The following C10orf67 variants were observed in gnomAD, a reference collection of about 807,000 sequenced individuals.
C10orf67 encodes uncharacterized protein C10orf67, mitochondrial.
Under a neutral mutation model 35.6 loss-of-function variants are expected in C10orf67, and 60 were observed. The observed-to-expected ratio is 1.68, with a 90% confidence interval of 1.37 to 2.09. The LOEUF (loss-of-function observed/expected upper bound fraction) is 2.09. C10orf67 is among the 30% of genes most tolerant of loss of function. The pLI is 0.00. For synonymous variants in C10orf67, 167 were observed against 115.8 expected, an observed-to-expected ratio of 1.44 and a Z score of -2.84; for missense variants, 474 against 330.2, an observed-to-expected ratio of 1.44 and a Z score of -3.38.
intron 15 of C10orf67, among the ~76,000 whole-genome samples, chr10:23,213,575 G>GT (rs1409394145): frequency 6.6e-6 from 1 of 152,030 alleles, no homozygotes; most frequent in Admixed American, 6.5e-5. Context: ...AAAGAGTGAG[G>GT]TAAAAATTAA....
intron 12 of C10orf67, among the ~76,000 whole-genome samples, chr10:23,248,943 A>C (rs1328249924): frequency 6.6e-6 from 1 of 151,694 alleles, no homozygotes; most frequent in African/African-American, 2.4e-5. Context: ...TAGAAGTAAA[A>C]CTTTAAACTC....
intron 15 of C10orf67, 73 bp downstream of exon 15, chr10:23,223,525 A>T: frequency 1.4e-6 from 1 of 708,308 alleles, no homozygotes; most frequent in Non-Finnish European, 2.6e-6. Context: ...AGGGTAAAAA[A>T]GAAAAGCAAA....
chr10:23,335,803 C>A (rs1845656377), intron 1 of C10orf67, among the ~76,000 whole-genome samples: 2 of 152,128 alleles, frequency 1.3e-5, no homozygotes, highest in African/African-American at 4.8e-5. Context: ...ATTACATACA[C>A]TCCATGTAAC....
chr10:23,301,324 C>A (rs146466211), intron 5 of C10orf67, among the ~76,000 whole-genome samples: 1 of 152,056 alleles, frequency 6.6e-6, no homozygotes, highest in Non-Finnish European at 1.5e-5. Context: ...TATCCCCAAC[C>A]CAGAAGTGTT....
intron 5 of C10orf67, among the ~76,000 whole-genome samples, chr10:23,301,404 C>T (rs989201134): frequency 8.5e-5 from 13 of 152,104 alleles, no homozygotes; most frequent in South Asian, 2.1e-4. Context: ...TCACGCTAAT[C>T]GTTTTTAACT....
intron 13 of C10orf67, among the ~76,000 whole-genome samples, chr10:23,227,012 C>A (rs575824425): frequency 8.5e-5 from 13 of 152,284 alleles, no homozygotes; most frequent in African/African-American, 3.1e-4. Context: ...GCCAGAGGTT[C>A]AAGGAGGAGC....
intron 12 of C10orf67, among the ~76,000 whole-genome samples, chr10:23,248,403 C>T (rs964357899): frequency 3.3e-5 from 5 of 152,124 alleles, no homozygotes; most frequent in African/African-American, 9.7e-5. Flanking sequence ...CTGCTCTTGT[C>T]CGCACTGCTC....
At position 23,230,482 on chromosome 10, in the gene C10orf67, C is replaced by T. The variant is rs148757481; in HGVS notation, c.1435-6664G>A. On this transcript the variant is annotated intron_variant, in intron 13 of 15. Coordinates refer to ENST00000636213, the MANE Select transcript of C10orf67 (RefSeq NM_001371909.1). The stretch of plus-strand genomic sequence containing the variant: ...GTCAGAATAACATTAATATTGAGAA[C>T]ATTTATTTATTACAAAAGCCAGAAA... Among the ~76,000 whole-genome samples the T allele has an allele frequency of 3.3e-3, 504 of 152,016 alleles. 9 individuals are homozygous for T. In the East Asian group the frequency reaches 0.052, roughly 16 times the overall value.
intron 5 of C10orf67, among the ~76,000 whole-genome samples, chr10:23,296,120 C>T (rs888480354): frequency 1.3e-5 from 2 of 151,856 alleles, no homozygotes. Context: ...CTAGTGTTAA[C>T]ATTTTGACAT....
intron 13 of C10orf67, among the ~76,000 whole-genome samples, chr10:23,234,217 T>C (rs1298971563): frequency 6.6e-6 from 1 of 152,138 alleles, no homozygotes; most frequent in Admixed American, 6.5e-5. Context: ...TAAAGACACA[T>C]GCACACATAT....
intron 10 of C10orf67, among the ~76,000 whole-genome samples, chr10:23,256,920 G>A (rs1842617291): frequency 6.6e-6 from 1 of 152,178 alleles, no homozygotes; most frequent in South Asian, 2.1e-4. Context: ...GGTTGATGCT[G>A]TGAAGAAGTG....
At chr10:23,267,119 T>G (rs1276547326) in intron 9 of C10orf67, 76 bp downstream of exon 9, 2 of 671,002 alleles carry the variant, frequency 3.0e-6, no homozygotes, top group East Asian at 5.4e-5. Flanking sequence ...CTACACAGAT[T>G]TGTCAATTCA....
rs368833212 is a variant in C10orf67, at chr10:23,236,253, G to GAAAAAAAA, written c.1434+3468_1434+3475dup. 7.5e-4 allele frequency among the ~76,000 whole-genome samples: 57 copies of GAAAAAAAA among 75,790 alleles called. 1 individual carries two copies. The highest frequency in any genetic ancestry group is 3.3e-3 in the African/African-American group (55 of 16,684). 49.7% of individuals were successfully genotyped at this position (75,790 alleles called of 152,430 possible). On this transcript the variant is annotated intron_variant, in intron 13 of 15. Coordinates refer to ENST00000636213, the MANE Select transcript of C10orf67 (RefSeq NM_001371909.1). ...GACAGAGCGAGACTCCCTCTCGGGG[G>GAAAAAAAA]AAAAAAAAAAAAAAAAAAAAAAAAA...
chr10:23,313,619 C>T (rs1489301529), intron 4 of C10orf67, among the ~76,000 whole-genome samples: 1 of 152,080 alleles, frequency 6.6e-6, no homozygotes, highest in Non-Finnish European at 1.5e-5. Flanking sequence ...TTCACTGTAG[C>T]TATTATACAG....
At chr10:23,211,047 A>T (rs1841293206) in intron 15 of C10orf67, among the ~76,000 whole-genome samples, 1 of 152,218 alleles carries the variant, frequency 6.6e-6, no homozygotes, top group African/African-American at 2.4e-5. Flanking sequence ...TAGAGCTGCC[A>T]TAACAAAGTA....
At chr10:23,215,266 C>T in intron 15 of C10orf67, among the ~76,000 whole-genome samples, 1 of 151,482 alleles carries the variant, frequency 6.6e-6, no homozygotes, top group Non-Finnish European at 1.5e-5. Context: ...TCCAATTTGA[C>T]AAATTTTTCA....
At chr10:23,246,337 T>C (rs1842316006) in intron 12 of C10orf67, among the ~76,000 whole-genome samples, 1 of 152,004 alleles carries the variant, frequency 6.6e-6, no homozygotes, top group Non-Finnish European at 1.5e-5. Flanking sequence ...TGCACACATA[T>C]CCCCTGACCT....
At chr10:23,324,375 G>T (rs1845100494) in intron 2 of C10orf67, among the ~76,000 whole-genome samples, 1 of 151,986 alleles carries the variant, frequency 6.6e-6, no homozygotes, top group African/African-American at 2.4e-5. Context: ...GCTGTTAGGG[G>T]TCCTTTGTTC....
At chr10:23,238,166 T>C (rs1842094216) in intron 13 of C10orf67, among the ~76,000 whole-genome samples, 1 of 152,216 alleles carries the variant, frequency 6.6e-6, no homozygotes, top group African/African-American at 2.4e-5. Context: ...ACTCAGCATG[T>C]AGCTTGGTGC....
Sources: allele counts gnomAD v4.1 joint callset (sites outside exome capture counted in the v4.1 genomes callset), GRCh38; gene constraint gnomAD v4.1.1; transcripts MANE v1.5; gene names NCBI Gene and HGNC (gene_info 2026-07-23, HGNC 2026-07-21).